The following MZT2A variants were observed in gnomAD, a reference collection of about 807,000 sequenced individuals.
The protein encoded by MZT2A is mitotic spindle organizing protein 2A.
A neutral mutation model predicts 12.4 loss-of-function variants in MZT2A; 8 were observed. The observed-to-expected ratio is 0.64, with a 90% CI of 0.38 to 1.16. MZT2A has a LOEUF of 1.16. MZT2A is among the 50% of genes most tolerant of loss of function. The pLI, the probability that MZT2A is intolerant of heterozygous loss-of-function variation, is 0.01. For synonymous variants in MZT2A, 88 were observed against 107.5 expected (o/e 0.82, Z 1.12); for missense variants, 181 against 223.6 (o/e 0.81, Z 1.22).
At chr2:131,474,402 CTTCTTTTTTT>C (rs1385995771) in intron 2 of MZT2A, among the ~76,000 whole-genome samples, 3 of 107,740 alleles carry the variant, frequency 2.8e-5, no homozygotes, top group African/African-American at 1.2e-4. Flanking sequence ...CAGTCTTCTT[CTTCTTTTTTT>C]TTTTTTTTTT....
chr2:131,481,435 AT>A (rs70994779), downstream of MZT2A, among the ~76,000 whole-genome samples: 31,426 of 129,084 alleles, frequency 0.24, 4,281 homozygotes, highest in East Asian at 0.71. Context: ...TGCCCGGGTA[AT>A]TTTTTTTTTT....
chr2:131,491,742 C>T, intron 2 of MZT2A, 134 bp downstream of exon 2: 1 of 1,244,376 alleles, frequency 8.0e-7, no homozygotes, highest in Non-Finnish European at 1.1e-6. Flanking sequence ...CGGATGGGCC[C>T]TGCAGGTGCT....
At chr2:131,490,894 T>C in intron 2 of MZT2A, 1 of 1,549,928 alleles carries the variant, frequency 6.5e-7, no homozygotes, top group Non-Finnish European at 8.7e-7. Context: ...AGGAGGCCTC[T>C]GGAGGTCAGA....
intron 2 of MZT2A, among the ~76,000 whole-genome samples, chr2:131,486,731 T>C (rs1219220685): frequency 6.6e-6 from 1 of 151,844 alleles, no homozygotes; most frequent in African/African-American, 2.4e-5. Context: ...CCTCGAGGGA[T>C]CTTCCTGCCT....
intron 2 of MZT2A, chr2:131,489,807 T>C: frequency 1.1e-6 from 1 of 916,254 alleles, no homozygotes; most frequent in South Asian, 5.0e-5. Flanking sequence ...GCCAGCACAC[T>C]GGTCTCACTG....
upstream of MZT2A, chr2:131,492,820 G>C: frequency 6.9e-7 from 1 of 1,442,004 alleles, no homozygotes; most frequent in South Asian, 1.2e-5. Context: ...CCCTGCTTAC[G>C]CGCACGCGCA....
In MZT2A at chr2:131,492,390, C is replaced by T; in HGVS notation, c.-14G>A. ...CTGCGCCGCCATCCGCGAGGCCCGC[C>T]GAAAGGTGCGCCCCGCCCCGCCGCG... On this transcript the variant is annotated 5_prime_UTR_variant, in exon 1 of 3. Transcript: ENST00000309451. 1.6e-6 allele frequency: 2 copies of T among 1,287,324 alleles called. No homozygotes were observed. The highest frequency in any genetic ancestry group is 1.9e-6 in the Non-Finnish European group (2 of 1,026,274). 79.7% of individuals were successfully genotyped at this position (1,287,324 alleles called of 1,614,324 possible).
upstream of MZT2A, chr2:131,493,200 C>T: frequency 7.2e-7 from 1 of 1,387,102 alleles, no homozygotes; most frequent in South Asian, 1.6e-5. Flanking sequence ...TCCGCGAGCC[C>T]CTGCGGAGGC....
exon 4 of MZT2A, chr2:131,470,222 T>C: frequency 2.2e-6 from 1 of 444,482 alleles, no homozygotes; most frequent in Non-Finnish European, 4.1e-6. Context: ...CTTCTGGGAG[T>C]AGAGCTCTGC....
At chr2:131,484,483 C>A (rs1678974854) in intron 2 of MZT2A, among the ~76,000 whole-genome samples, 1 of 152,306 alleles carries the variant, frequency 6.6e-6, no homozygotes, top group Non-Finnish European at 1.5e-5. Flanking sequence ...GCCAAGGGAA[C>A]ATTTTGAAAG....
intron 2 of MZT2A, chr2:131,476,063 G>T (rs547817403): frequency 4.8e-5 from 73 of 1,523,830 alleles, no homozygotes; most frequent in Non-Finnish European, 6.0e-5. Context: ...CAGGAACTCC[G>T]AGCCAATGGC....
chr2:131,478,695 G>T, intron 2 of MZT2A: 1 of 492,690 alleles, frequency 2.0e-6, no homozygotes, highest in Non-Finnish European at 3.6e-6. Flanking sequence ...CAGTGGCATT[G>T]GTTCCCTCCC....
chr2:131,492,966 C>G, upstream of MZT2A: 1 of 1,525,226 alleles, frequency 6.6e-7, no homozygotes, highest in South Asian at 1.2e-5. Context: ...GCCGGCCGGC[C>G]GGCCTTCTTC....
chr2:131,480,203 C>T, downstream of MZT2A: 1 of 1,613,974 alleles, frequency 6.2e-7, no homozygotes, highest in Non-Finnish European at 8.5e-7. Context: ...TAGAGTTTGC[C>T]ATTTACCCAG....
At chr2:131,479,616 G>T (rs1336070337), downstream of MZT2A, among the ~76,000 whole-genome samples, 2 of 152,106 alleles carry the variant, frequency 1.3e-5, no homozygotes, top group Non-Finnish European at 2.9e-5. Context: ...AAAGCGGGTG[G>T]ATTACCTGAG....
chr2:131,478,317 T>C lies in MZT2A; in HGVS notation c.279-6135A>G. The C allele has an allele frequency of 6.2e-7, 1 of 1,614,016 alleles. No homozygotes were observed. The highest frequency in any genetic ancestry group is 8.5e-7 in the Non-Finnish European group (1 of 1,179,880). ...CGGGGACGACTCCTTCAACACGTTC[T>C]TCAGTGAGACTGGAGCTGGCAAGCA... On this transcript the variant is annotated intron_variant and NMD_transcript_variant, in intron 2 of 4. Coordinates refer to the MZT2A transcript ENST00000427024.
chr2:131,490,511 G>C (rs144783569), intron 2 of MZT2A: 6 of 1,434,602 alleles, frequency 4.2e-6, no homozygotes, highest in East Asian at 2.5e-5. Context: ...ATGCCAGCCC[G>C]ACTGTGGGGT....
At chr2:131,490,178 TG>T in intron 2 of MZT2A, 1 of 721,330 alleles carries the variant, frequency 1.4e-6, no homozygotes, top group Non-Finnish European at 1.7e-6. Flanking sequence ...TGATCACACC[TG>T]GTGACACCTG....
downstream of MZT2A, chr2:131,483,887 C>T: frequency 9.6e-6 from 13 of 1,358,248 alleles, no homozygotes; most frequent in Non-Finnish European, 1.1e-5. Flanking sequence ...TGTGGCACAA[C>T]CAGGACCGGC....
Sources: gnomAD v4.1 joint callset for allele counts (sites outside exome capture counted in the v4.1 genomes callset) on GRCh38, gnomAD v4.1.1 for gene constraint, MANE v1.5 for transcripts, NCBI Gene and HGNC (gene_info 2026-07-23, HGNC 2026-07-21) for gene names.